RTKN2: variants seen among roughly 807,000 people sequenced by gnomAD.
The protein encoded by RTKN2 is rhotekin 2, also known as rhotekin-2.
A neutral mutation model predicts 71.5 loss-of-function variants in RTKN2; 69 were observed. That is an observed-to-expected ratio of 0.96 (90% CI 0.79 to 1.18). The LOEUF (loss-of-function observed/expected upper bound fraction) is 1.18, where lower values mean the gene tolerates loss of function less well. Among genes scored for constraint, RTKN2 ranks in the 50% most tolerant of loss-of-function variants. RTKN2 has a pLI of 0.00. For synonymous variants in RTKN2, 236 were observed against 236.5 expected, an observed-to-expected ratio of 1.00 and a Z score of 0.02; for missense variants, 724 against 719.7, an observed-to-expected ratio of 1.01 and a Z score of -0.07.
intron 6 of RTKN2, among the ~76,000 whole-genome samples, chr10:62,225,332 C>G (rs534037862): frequency 2.6e-5 from 4 of 152,346 alleles, no homozygotes; most frequent in Admixed American, 6.5e-5. Context: ...ACCAATCCCC[C>G]CTTCCCACTA....
rs1260291008 is a variant in RTKN2 at position 62,196,157 on chromosome 10, T to A, written c.*1751A>T. ...TCACAAATGCTGTCAAAAACAGCAA[T>A]GAAGTTTTAAAAAATAACCCAAAAA... On this transcript the variant is annotated 3_prime_UTR_variant, in exon 12 of 12. Transcript: ENST00000373789. 1 of 982,064 alleles carries A rather than the reference T, an allele frequency of 1.0e-6. No individual in the cohort carries two copies. Among genetic ancestry groups the A allele is most frequent in the Non-Finnish European group, 1.2e-6 (1 of 827,048 alleles). 60.8% of individuals were successfully genotyped at this position (982,064 alleles called of 1,614,324 possible).
In RTKN2 at chr10:62,194,767, C is replaced by T. The variant is rs775009470; in HGVS notation, c.*3141G>A. ...ATACTTGACTGCTTAACCTACCTTACGTGAGGTATCTCTAATTCAAGACAG... is the reference window on the plus strand; with the variant it reads ...ATACTTGACTGCTTAACCTACCTTATGTGAGGTATCTCTAATTCAAGACAG... On this transcript the variant is annotated 3_prime_UTR_variant, in exon 12 of 12. Transcript: ENST00000373789. 1.2e-5 allele frequency: 12 copies of T among 985,134 alleles called. No individual in the cohort carries two copies. Among genetic ancestry groups the T allele is most frequent in the Non-Finnish European group, 1.4e-5 (12 of 829,818 alleles). The allele number at this position is 985,134 out of a possible 1,614,324, so 61.0% of individuals were successfully genotyped here.
chr10:62,187,083 C>G (rs894467456), intron 8 of RTKN2, among the ~76,000 whole-genome samples: 3 of 152,130 alleles, frequency 2.0e-5, no homozygotes, highest in Non-Finnish European at 4.4e-5. Flanking sequence ...GAATTATTAT[C>G]TCCAAATTAT....
intron 5 of RTKN2, 95 bp downstream of exon 5, chr10:62,239,553 A>G (rs1178664335): frequency 1.4e-5 from 8 of 573,330 alleles, no homozygotes; most frequent in Non-Finnish European, 2.1e-5. Flanking sequence ...ACATTTAAAC[A>G]TAAAATGAAT....
At chr10:62,259,897 A>C (rs562983733) in intron 2 of RTKN2, among the ~76,000 whole-genome samples, 1 of 151,928 alleles carries the variant, frequency 6.6e-6, no homozygotes, top group Non-Finnish European at 1.5e-5. Flanking sequence ...CTGCTCACCT[A>C]CCTGGACTCT....
At chr10:62,255,123 G>A (rs1168963948) in intron 2 of RTKN2, among the ~76,000 whole-genome samples, 2 of 152,134 alleles carry the variant, frequency 1.3e-5, no homozygotes, top group Non-Finnish European at 2.9e-5. Context: ...ATTTCTGTAT[G>A]TTAAAAAAGA....
Position 62,268,787 on chromosome 10 carries a change from G to C in RTKN2, c.-177C>G, listed in dbSNP as rs1842918434. On this transcript the variant is annotated 5_prime_UTR_variant, in exon 1 of 12. Transcript: ENST00000373789. ...CGCACGCGCAGTGGGCGCGCCTTGC[G>C]CTCTGCAGCTCCCGCCGCCGGAAGT... 6.6e-6 allele frequency: 4 copies of C among 602,300 alleles called. No individual in the cohort carries two copies. In the Admixed American group the frequency reaches 1.4e-4, roughly 21 times the overall value. 37.3% of individuals were successfully genotyped at this position (602,300 alleles called of 1,614,324 possible). A position where few individuals can be genotyped will look rare whatever the true frequency, so the allele number is the denominator to read the frequency against.
chr10:62,233,198 C>G (rs1278966702), intron 6 of RTKN2, among the ~76,000 whole-genome samples: 1 of 152,064 alleles, frequency 6.6e-6, no homozygotes, highest in Non-Finnish European at 1.5e-5. Context: ...CACTACTGGT[C>G]CTGTCATTTT....
rs565775649 is a variant in RTKN2, at chr10:62,210,477, G to C, written c.1021-5455C>G. Among the ~76,000 whole-genome samples, 11 of 152,128 alleles carry C rather than the reference G, an allele frequency of 7.2e-5. No individual in the cohort carries two copies. The South Asian group carries it at 2.3e-3, about 32-fold the overall frequency. On this transcript the variant is annotated intron_variant, in intron 9 of 11. Transcript: ENST00000373789. ...ATAAAATACAAACACAAAAACCAAA[G>C]TCAGTCTATTATTAATGCCTCTTTC...
chr10:62,216,084 G>A (rs1247362311), intron 9 of RTKN2, among the ~76,000 whole-genome samples: 2 of 151,732 alleles, frequency 1.3e-5, no homozygotes, highest in Admixed American at 6.6e-5. Flanking sequence ...TTCTAAAAGT[G>A]GAATAGAAAC....
chr10:62,237,540 A>G (rs76959293), intron 5 of RTKN2, among the ~76,000 whole-genome samples: 3,149 of 151,956 alleles, frequency 0.021, 98 homozygotes, highest in African/African-American at 0.072. Flanking sequence ...TGTTGCCAAT[A>G]CTATTTCTCC....
At chr10:62,190,555 A>G (rs1841205504), downstream of RTKN2, among the ~76,000 whole-genome samples, 1 of 152,114 alleles carries the variant, frequency 6.6e-6, no homozygotes, top group Non-Finnish European at 1.5e-5. Context: ...CAACTCAGGG[A>G]CTTAGGGCTG....
intron 10 of RTKN2, among the ~76,000 whole-genome samples, chr10:62,200,851 A>G (rs1841426958): frequency 6.6e-6 from 1 of 152,146 alleles, no homozygotes; most frequent in East Asian, 1.9e-4. Flanking sequence ...GGAAGGACAC[A>G]TTAAATAAAG....
chr10:62,249,448 G>A (rs895955999), intron 2 of RTKN2, among the ~76,000 whole-genome samples: 7 of 120,444 alleles, frequency 5.8e-5, no homozygotes, highest in African/African-American at 2.2e-4. Flanking sequence ...AGCTCCGTGT[G>A]TACTTTTTTT....
intron 2 of RTKN2, among the ~76,000 whole-genome samples, chr10:62,252,594 A>G (rs1842602189): frequency 6.6e-6 from 1 of 152,136 alleles, no homozygotes; most frequent in African/African-American, 2.4e-5. Flanking sequence ...CCACCAAAGT[A>G]GAAATAACAC....
At chr10:62,218,878 TG>T (rs34034142) in intron 7 of RTKN2, among the ~76,000 whole-genome samples, 13,300 of 152,048 alleles carry the variant, frequency 0.087, 778 homozygotes, top group South Asian at 0.25. Flanking sequence ...CCCAGCTGCT[TG>T]GGAGGCTGAG....
intron 2 of RTKN2, among the ~76,000 whole-genome samples, chr10:62,255,160 A>C (rs1435412496): frequency 6.6e-6 from 1 of 152,200 alleles, no homozygotes; most frequent in East Asian, 1.9e-4. Context: ...GAACTTGCCT[A>C]AGTAGGTTTA....
At chr10:62,241,226 A>C (rs1352457534) in intron 3 of RTKN2, 31 bp from the exon 4 acceptor site, 1 of 1,423,948 alleles carries the variant, frequency 7.0e-7, no homozygotes, top group Non-Finnish European at 9.8e-7. Flanking sequence ...AATGACAAGT[A>C]ATAATTTTGG....
chr10:62,196,161 G>T lies in RTKN2; in HGVS notation c.*1747C>A, dbSNP rs1841327194. ...AAATGCTGTCAAAAACAGCAATGAA[G>T]TTTTAAAAAATAACCCAAAAATTCA... On this transcript the variant is annotated 3_prime_UTR_variant, in exon 12 of 12. Transcript: ENST00000373789. The T allele has an allele frequency of 3.1e-6, 3 of 981,242 alleles. No individual in the cohort carries two copies. The African/African-American group carries it at 5.3e-5, about 17-fold the overall frequency. 60.8% of individuals were successfully genotyped at this position (981,242 alleles called of 1,614,324 possible).
Sources: allele counts gnomAD v4.1 joint callset (sites outside exome capture counted in the v4.1 genomes callset), GRCh38; gene constraint gnomAD v4.1.1; transcripts MANE v1.5; gene names NCBI Gene and HGNC (gene_info 2026-07-23, HGNC 2026-07-21).